Variants in NXPE2 observed in about 807,000 individuals in gnomAD.
NXPE2 encodes the protein NXPE family member 2.
NXPE2 carries 34 observed loss-of-function variants against 34.4 expected under a neutral mutation model. The ratio of observed to expected loss-of-function variants is 0.99; its 90% CI spans 0.75 to 1.31. NXPE2 has a LOEUF of 1.31. NXPE2 is among the 40% of genes most tolerant of loss of function. NXPE2 has a pLI of 0.00. For synonymous variants in NXPE2, 235 were observed against 231.3 expected, an observed-to-expected ratio of 1.02 and a Z score of -0.15; for missense variants, 649 against 672.5, an observed-to-expected ratio of 0.97 and a Z score of 0.39.
chr11:114,740,322 C>T, the NXPE2 span, among the ~76,000 whole-genome samples: 1 of 152,108 alleles, frequency 6.6e-6, no homozygotes, highest in East Asian at 1.9e-4. Context: ...GTGTGTGTAT[C>T]ACATTTTCTT....
chr11:114,761,618 C>A, the NXPE2 span, among the ~76,000 whole-genome samples: 3 of 135,758 alleles, frequency 2.2e-5, no homozygotes, highest in Non-Finnish European at 3.0e-5. Flanking sequence ...CCAGGCCGGA[C>A]TGCGGACGGC....
chr11:114,788,966 G>A, the NXPE2 span, among the ~76,000 whole-genome samples: 72 of 152,298 alleles, frequency 4.7e-4, no homozygotes, highest in African/African-American at 1.6e-3. Flanking sequence ...AATAGACAGA[G>A]CAAGGCCTCT....
the NXPE2 span, among the ~76,000 whole-genome samples, chr11:114,541,444 C>T: frequency 6.6e-6 from 1 of 151,984 alleles, no homozygotes; most frequent in Non-Finnish European, 1.5e-5. Flanking sequence ...TTAGAAATGT[C>T]GATGAAAAGA....
the NXPE2 span, among the ~76,000 whole-genome samples, chr11:114,559,442 T>C: frequency 3.3e-4 from 51 of 152,344 alleles, no homozygotes; most frequent in African/African-American, 1.2e-3. Flanking sequence ...TTGATGTCCT[T>C]CTTCCTCTCT....
At chr11:114,631,530 G>T in the NXPE2 span, among the ~76,000 whole-genome samples, 1 of 119,984 alleles carries the variant, frequency 8.3e-6, no homozygotes, top group East Asian at 3.1e-4. Flanking sequence ...TTGTGGGGTG[G>T]GGGGAGGGGG....
chr11:114,516,297 T>C, the NXPE2 span, among the ~76,000 whole-genome samples: 240 of 152,276 alleles, frequency 1.6e-3, no homozygotes, highest in African/African-American at 4.3e-3. Flanking sequence ...CAGGCAAGGG[T>C]AGGACACTCA....
the NXPE2 span, among the ~76,000 whole-genome samples, chr11:114,516,934 C>T: frequency 6.6e-6 from 1 of 152,128 alleles, no homozygotes; most frequent in African/African-American, 2.4e-5. Flanking sequence ...ACCCTGGCAC[C>T]CTTCCATAGT....
intron 1 of NXPE2, among the ~76,000 whole-genome samples, chr11:114,679,061 A>G (rs543794671): frequency 4.6e-4 from 70 of 151,952 alleles, no homozygotes; most frequent in African/African-American, 1.5e-3. Flanking sequence ...AATTCTAACC[A>G]CTCAACACTG....
the NXPE2 span, among the ~76,000 whole-genome samples, chr11:114,540,837 C>CTTTTTTTTTT: frequency 5.3e-4 from 25 of 47,472 alleles, 9 homozygotes; most frequent in Non-Finnish European, 9.8e-4. Flanking sequence ...AGAAAGCCAT[C>CTTTTTTTTTT]TTTTTTTTTT....
chr11:114,522,315 C>T, the NXPE2 span: 231 of 1,613,884 alleles, frequency 1.4e-4, no homozygotes, highest in Non-Finnish European at 1.8e-4. Flanking sequence ...ATGACGATGG[C>T]TGTGTTTTTG....
chr11:114,502,933 G>A, the NXPE2 span, among the ~76,000 whole-genome samples: 1 of 152,186 alleles, frequency 6.6e-6, no homozygotes, highest in Non-Finnish European at 1.5e-5. Context: ...CACTGGGAGT[G>A]GCTAGGAGTG....
At chr11:114,629,555 G>T in the NXPE2 span, among the ~76,000 whole-genome samples, 1 of 151,762 alleles carries the variant, frequency 6.6e-6, no homozygotes, top group Admixed American at 6.6e-5. Flanking sequence ...CAAACCCACA[G>T]CCAATATCAT....
At chr11:114,754,826 G>A in the NXPE2 span, among the ~76,000 whole-genome samples, 5 of 152,206 alleles carry the variant, frequency 3.3e-5, no homozygotes, top group African/African-American at 4.8e-5. Flanking sequence ...TTGATTTCTG[G>A]ATCCTGGGGT....
chr11:114,778,692 G>C, the NXPE2 span, among the ~76,000 whole-genome samples: 2 of 152,184 alleles, frequency 1.3e-5, no homozygotes, highest in Admixed American at 1.3e-4. Flanking sequence ...TGACTTGACA[G>C]GGTCGGGGTC....
At chr11:114,708,768 T>C (rs542058340), downstream of NXPE2, among the ~76,000 whole-genome samples, 1 of 152,362 alleles carries the variant, frequency 6.6e-6, no homozygotes, top group African/African-American at 2.4e-5. Flanking sequence ...TTATTGGTTC[T>C]AATTCCTCCT....
the NXPE2 span, among the ~76,000 whole-genome samples, chr11:114,723,358 A>T: frequency 6.6e-6 from 1 of 152,162 alleles, no homozygotes. Flanking sequence ...GGAAAGGATG[A>T]AAGGAAGAGA....
chr11:114,651,391 C>T, the NXPE2 span, among the ~76,000 whole-genome samples: 3 of 152,012 alleles, frequency 2.0e-5, no homozygotes, highest in South Asian at 2.1e-4. Context: ...CTCGTGGTCT[C>T]GCTGGCTTCA....
the NXPE2 span, among the ~76,000 whole-genome samples, chr11:114,669,158 C>T: frequency 6.6e-6 from 1 of 152,066 alleles, no homozygotes; most frequent in Non-Finnish European, 1.5e-5. Flanking sequence ...ACCCTCTCCC[C>T]AGTGGAACAA....
chr11:114,594,861 A>G, the NXPE2 span: 2 of 689,052 alleles, frequency 2.9e-6, no homozygotes, highest in Admixed American at 5.4e-5. Flanking sequence ...TTTTTGGCTC[A>G]TGATTACTTT....
Sources: allele counts gnomAD v4.1 joint callset (sites outside exome capture counted in the v4.1 genomes callset), GRCh38; gene constraint gnomAD v4.1.1; transcripts MANE v1.5; gene names NCBI Gene and HGNC (gene_info 2026-07-23, HGNC 2026-07-21).